The following SPAG16 variants were observed in gnomAD, a reference collection of about 807,000 sequenced individuals.
The protein encoded by SPAG16 is sperm associated antigen 16.
In SPAG16, 86 loss-of-function variants were observed where a neutral mutation model predicts 80.4. The observed-to-expected ratio is 1.07, with a 90% CI of 0.90 to 1.28. SPAG16 has a LOEUF of 1.28. Among genes scored for constraint, SPAG16 ranks in the 50% most tolerant of loss-of-function variants. The pLI is 0.00. For synonymous variants in SPAG16, 294 were observed against 265.9 expected (o/e 1.11, Z -1.03); for missense variants, 870 against 765.3 (o/e 1.14, Z -1.61).
intron 15 of SPAG16, among the ~76,000 whole-genome samples, chr2:214,192,518 T>C (rs1345883185): frequency 6.6e-6 from 1 of 152,168 alleles, no homozygotes; most frequent in Admixed American, 6.6e-5. Context: ...AGAGTTTATT[T>C]AGCTGTGTTT....
At position 213,929,294 on chromosome 2, in the gene SPAG16, G is replaced by T. The variant is rs1181482561; in HGVS notation, c.1215-666G>T. Reference sequence around the variant, plus strand: ...CACCCAAAGTGCTGGGATTACAGGTGTGAGCCACCGTGCCCGAGCCTGACG... The same window carrying T: ...CACCCAAAGTGCTGGGATTACAGGTTTGAGCCACCGTGCCCGAGCCTGACG... On this transcript the variant is annotated intron_variant, in intron 11 of 15. Coordinates refer to ENST00000331683, the MANE Select transcript of SPAG16 (RefSeq NM_024532.5). Among the ~76,000 whole-genome samples, 7 of 152,004 alleles carry T rather than the reference G, an allele frequency of 4.6e-5. No individual in the cohort carries two copies. In the East Asian group the frequency reaches 1.4e-3, roughly 29 times the overall value.
intron 13 of SPAG16, among the ~76,000 whole-genome samples, chr2:214,097,452 C>T (rs1194286232): frequency 6.6e-6 from 1 of 151,992 alleles, no homozygotes; most frequent in Admixed American, 6.6e-5. Context: ...TGGACAAGAA[C>T]GCAACAGTGC....
At chr2:213,646,332 G>T (rs922589858) in intron 10 of SPAG16, among the ~76,000 whole-genome samples, 15 of 152,110 alleles carry the variant, frequency 9.9e-5, no homozygotes, top group African/African-American at 2.9e-4. Flanking sequence ...CCACCATTTT[G>T]CTCTGCCTCT....
At chr2:214,171,391 G>A (rs762079697) in intron 15 of SPAG16, among the ~76,000 whole-genome samples, 6 of 151,846 alleles carry the variant, frequency 4.0e-5, no homozygotes, top group Non-Finnish European at 8.8e-5. Context: ...ATATTTTGTT[G>A]TTTTGTTGCA....
At chr2:213,832,151 C>T (rs1014222231) in intron 10 of SPAG16, among the ~76,000 whole-genome samples, 21 of 152,092 alleles carry the variant, frequency 1.4e-4, no homozygotes, top group East Asian at 7.8e-4. Context: ...GCACTTGCCA[C>T]GGCGCCTGGC....
intron 5 of SPAG16, among the ~76,000 whole-genome samples, chr2:213,326,095 T>C (rs962029348): frequency 2.0e-5 from 3 of 152,012 alleles, no homozygotes; most frequent in Admixed American, 6.6e-5. Context: ...TAAGGAAATA[T>C]AATGCAGACC....
chr2:213,949,274 G>T (rs13384542), intron 12 of SPAG16, among the ~76,000 whole-genome samples: 47,507 of 143,686 alleles, frequency 0.33, 8,394 homozygotes, highest in South Asian at 0.47. Context: ...AGGTTCAAGC[G>T]ATTCTCGTGC....
intron 15 of SPAG16, among the ~76,000 whole-genome samples, chr2:214,387,649 T>TCACTCA (rs11283652): frequency 0.057 from 8,678 of 152,184 alleles, 618 homozygotes; most frequent in African/African-American, 0.17. Flanking sequence ...GAGGTTTAAT[T>TCACTCA]CACTCACAGT....
At chr2:214,342,390 T>A (rs1024302016) in intron 15 of SPAG16, among the ~76,000 whole-genome samples, 1 of 152,194 alleles carries the variant, frequency 6.6e-6, no homozygotes, top group Non-Finnish European at 1.5e-5. Flanking sequence ...CTTGCACTAG[T>A]GCCTGAGTTC....
At chr2:213,718,524 G>A (rs967660335) in intron 10 of SPAG16, among the ~76,000 whole-genome samples, 5 of 152,206 alleles carry the variant, frequency 3.3e-5, no homozygotes, top group Non-Finnish European at 7.3e-5. Flanking sequence ...GGCTGCCTGC[G>A]GTGCTTGCAG....
intron 15 of SPAG16, among the ~76,000 whole-genome samples, chr2:214,269,413 G>A (rs1691826418): frequency 6.6e-6 from 1 of 151,908 alleles, no homozygotes. Context: ...ATTATGGCTG[G>A]AATTGGTGAG....
chr2:213,300,378 A>G (rs891676942), intron 3 of SPAG16, among the ~76,000 whole-genome samples: 1 of 152,166 alleles, frequency 6.6e-6, no homozygotes, highest in Non-Finnish European at 1.5e-5. Flanking sequence ...CCCAAGCGAG[A>G]ATGTTCTTTA....
intron 10 of SPAG16, among the ~76,000 whole-genome samples, chr2:213,746,053 T>C (rs2067806809): frequency 6.6e-6 from 1 of 152,246 alleles, no homozygotes; most frequent in Admixed American, 6.5e-5. Context: ...AAGTTCCTCA[T>C]TGTTTAAGAT....
intron 15 of SPAG16, among the ~76,000 whole-genome samples, chr2:214,267,134 C>A (rs1472257537): frequency 7.3e-5 from 11 of 151,174 alleles, no homozygotes; most frequent in African/African-American, 2.7e-4. Context: ...ACTAAAGTAA[C>A]TTTTACCAAA....
At chr2:213,903,811 A>C (rs2077322185) in intron 11 of SPAG16, among the ~76,000 whole-genome samples, 1 of 152,110 alleles carries the variant, frequency 6.6e-6, no homozygotes. Context: ...ACAGCACCCA[A>C]GTCACCTGCT....
chr2:214,145,911 T>G (rs558134514), intron 14 of SPAG16, among the ~76,000 whole-genome samples: 76 of 152,302 alleles, frequency 5.0e-4, no homozygotes, highest in African/African-American at 1.8e-3. Flanking sequence ...AGAACTATAC[T>G]GGATGCTGGA....
chr2:213,302,251 T>C (rs903814994), intron 3 of SPAG16, among the ~76,000 whole-genome samples: 11 of 152,176 alleles, frequency 7.2e-5, no homozygotes, highest in Non-Finnish European at 1.2e-4. Flanking sequence ...GTGCTTATTC[T>C]GTGGTGTTTT....
chr2:213,867,766 C>CAA (rs72200284), intron 11 of SPAG16, among the ~76,000 whole-genome samples: 3 of 149,014 alleles, frequency 2.0e-5, no homozygotes, highest in African/African-American at 4.9e-5. Flanking sequence ...ACTAAAAATA[C>CAA]AAAAAAAAAT....
chr2:213,317,111 A>G, intron 4 of SPAG16, 108 bp from the exon 5 acceptor site: 1 of 601,998 alleles, frequency 1.7e-6, no homozygotes, highest in East Asian at 2.6e-5. Flanking sequence ...TAATACTGCA[A>G]CTAATTACTA....
Sources: gnomAD v4.1 joint callset for allele counts (sites outside exome capture counted in the v4.1 genomes callset) on GRCh38, gnomAD v4.1.1 for gene constraint, MANE v1.5 for transcripts, NCBI Gene and HGNC (gene_info 2026-07-23, HGNC 2026-07-21) for gene names.